MORN1: variants seen among roughly 807,000 people sequenced by gnomAD.
The protein encoded by MORN1 is MORN repeat containing 1, also known as MORN repeat-containing protein 1.
MORN1 carries 67 observed loss-of-function variants against 61.9 expected under a neutral mutation model. The ratio of observed to expected loss-of-function variants is 1.08; its 90% CI spans 0.89 to 1.33. The LOEUF (loss-of-function observed/expected upper bound fraction) is 1.33. MORN1 is among the 40% of genes most tolerant of loss of function. The pLI is 0.00. For synonymous variants in MORN1, 301 were observed against 292.0 expected (o/e 1.03, Z -0.31); for missense variants, 752 against 691.2 (o/e 1.09, Z -0.99).
rs909576314 is a variant in MORN1, at chr1:2,323,318, C to T, written c.1297+779G>A. On this transcript the variant is annotated intron_variant, in intron 13 of 13. Transcript: ENST00000378531. ...TCCCGCTGCGCCAGAGGCAGCTCCACGGTGGCATCCAGACCCCAGTGAGCA... is the reference window on the plus strand; with the variant it reads ...TCCCGCTGCGCCAGAGGCAGCTCCATGGTGGCATCCAGACCCCAGTGAGCA... 34 of 985,326 alleles carry T rather than the reference C, an allele frequency of 3.5e-5. No individual in the cohort carries two copies. The African/African-American group carries it at 4.0e-4, about 12-fold the overall frequency. The allele number at this position is 985,326 out of a possible 1,614,324, so 61.0% of individuals were successfully genotyped here. A position where few individuals can be genotyped will look rare whatever the true frequency, so the allele number is the denominator to read the frequency against.
At chr1:2,373,793 G>A (rs997877288) in intron 7 of MORN1, among the ~76,000 whole-genome samples, 2 of 152,204 alleles carry the variant, frequency 1.3e-5, no homozygotes, top group Non-Finnish European at 2.9e-5. Flanking sequence ...GAGGGCAGCA[G>A]TTACTGTCAC....
At chr1:2,326,746 T>C (rs552643959) in intron 12 of MORN1, 1 of 152,550 alleles carries the variant, frequency 6.6e-6, no homozygotes, top group Admixed American at 6.5e-5. Context: ...CTGCCAGTTC[T>C]GCCTGAGGCA....
chr1:2,322,161 T>A, intron 13 of MORN1: 1 of 985,364 alleles, frequency 1.0e-6, no homozygotes, highest in Non-Finnish European at 1.2e-6. Context: ...AAAGTACTTT[T>A]CCTTTCACAG....
intron 8 of MORN1, among the ~76,000 whole-genome samples, chr1:2,368,357 G>A (rs1414922915): frequency 3.9e-5 from 6 of 152,226 alleles, no homozygotes; most frequent in Non-Finnish European, 5.9e-5. Context: ...GGGCAGTGTC[G>A]CAGTCATATT....
intron 8 of MORN1, among the ~76,000 whole-genome samples, chr1:2,368,386 C>T (rs764177486): frequency 6.6e-5 from 10 of 152,220 alleles, no homozygotes; most frequent in Non-Finnish European, 1.3e-4. Context: ...CTTTTAACTG[C>T]GTGCAGATCA....
intron 10 of MORN1, among the ~76,000 whole-genome samples, chr1:2,342,136 C>T (rs537164434): frequency 5.2e-5 from 8 of 152,390 alleles, no homozygotes; most frequent in East Asian, 1.9e-4. Flanking sequence ...CGTACGACCT[C>T]GGGGGCCTCG....
intron 8 of MORN1, among the ~76,000 whole-genome samples, chr1:2,369,878 G>T (rs1352120718): frequency 6.6e-6 from 1 of 152,162 alleles, no homozygotes; most frequent in Non-Finnish European, 1.5e-5. Flanking sequence ...TGAGATGGAG[G>T]CCTCAGTGTT....
chr1:2,356,444 C>A (rs1456659674), intron 10 of MORN1, among the ~76,000 whole-genome samples: 1 of 152,152 alleles, frequency 6.6e-6, no homozygotes, highest in East Asian at 1.9e-4. Flanking sequence ...GCTCCTCAAC[C>A]CAGGAACCTG....
chr1:2,388,266 C>A lies in MORN1; in HGVS notation c.220G>T (p.Glu74Ter). ...GACCAGGCCCAGTGCCGGCGGCCTT[C>A]TCCCGTGATCTCTCCGTCCACAAAC... ...GAFVDGEITG[E>*]GRRHWAWSGD... Residue 74 changes from glutamate (E) to a stop codon, truncating the protein, a stop_gained, in exon 3 of 14, where the codon GAA becomes TAA. Transcript: ENST00000378531. LOFTEE classifies it high-confidence loss of function. The A allele has an allele frequency of 6.2e-7, 1 of 1,613,934 alleles. No homozygotes were observed. Among genetic ancestry groups the A allele is most frequent in the Non-Finnish European group, 8.5e-7 (1 of 1,179,994 alleles).
rs1641128405 is a variant in MORN1 at position 2,330,650 on chromosome 1, A to G, written c.1250+5819T>C. Among the ~76,000 whole-genome samples the G allele has an allele frequency of 2.6e-5, 4 of 152,132 alleles. No individual in the cohort carries two copies. In the South Asian group the frequency reaches 8.3e-4, roughly 32 times the overall value. ...AATCGCAGAAGTCTTAATTAAGCCCATTTTTCTCGGAGCCGAGGAGGGAGG... is the reference window on the plus strand; with the variant it reads ...AATCGCAGAAGTCTTAATTAAGCCCGTTTTTCTCGGAGCCGAGGAGGGAGG... On this transcript the variant is annotated intron_variant, in intron 12 of 13. Coordinates refer to ENST00000378531, the MANE Select transcript of MORN1 (RefSeq NM_024848.3).
At chr1:2,363,811 A>AAAAAATAT (rs1199100386) in intron 8 of MORN1, among the ~76,000 whole-genome samples, 7 of 135,100 alleles carry the variant, frequency 5.2e-5, no homozygotes, top group African/African-American at 1.8e-4. Flanking sequence ...CAAACAAAAA[A>AAAAAATAT]ATATATATAT....
intron 3 of MORN1, 73 bp downstream of exon 3, chr1:2,388,166 T>C: frequency 8.3e-7 from 1 of 1,205,548 alleles, no homozygotes; most frequent in Non-Finnish European, 1.2e-6. Context: ...CTTCTGCATC[T>C]AGACTCGGCG....
chr1:2,348,752 C>T (rs1335334655), intron 10 of MORN1, among the ~76,000 whole-genome samples: 1 of 112,554 alleles, frequency 8.9e-6, no homozygotes, highest in Non-Finnish European at 1.8e-5. Flanking sequence ...CGGGCACGCA[C>T]ACACACGCAC....
In MORN1 at chr1:2,388,347, G is replaced by C. The variant is rs1642555602; in HGVS notation, c.149-10C>G. The C allele has an allele frequency of 1.2e-6, 2 of 1,609,886 alleles. No individual in the cohort carries two copies. Among genetic ancestry groups the C allele is most frequent in the Non-Finnish European group, 1.7e-6 (2 of 1,176,416 alleles). On this transcript the variant is annotated splice_polypyrimidine_tract_variant and intron_variant, in intron 2 of 13. Coordinates refer to ENST00000378531, the MANE Select transcript of MORN1 (RefSeq NM_024848.3). ...AACAACTTCCCGTGACCTGGCAGGAGAAATCGTCACGTGAACTCAGACAGT... is the reference window on the plus strand; with the variant it reads ...AACAACTTCCCGTGACCTGGCAGGACAAATCGTCACGTGAACTCAGACAGT...
At chr1:2,330,121 G>A (rs769472618) in intron 12 of MORN1, among the ~76,000 whole-genome samples, 18 of 152,230 alleles carry the variant, frequency 1.2e-4, no homozygotes, top group Non-Finnish European at 2.6e-4. Context: ...GCAAGCCAGC[G>A]GCACAGGCCT....
At chr1:2,333,971 G>T (rs934201819) in intron 12 of MORN1, among the ~76,000 whole-genome samples, 1 of 152,188 alleles carries the variant, frequency 6.6e-6, no homozygotes, top group Admixed American at 6.5e-5. Context: ...CTGGACGCTG[G>T]TTGGGGGAGC....
intron 10 of MORN1, among the ~76,000 whole-genome samples, chr1:2,346,061 A>G (rs1641510332): frequency 6.7e-6 from 1 of 148,226 alleles, no homozygotes; most frequent in South Asian, 2.2e-4. Flanking sequence ...TTCCTCAGAC[A>G]AAGCCACCAG....
chr1:2,351,695 A>G, intron 10 of MORN1: 1 of 448,016 alleles, frequency 2.2e-6, no homozygotes, highest in Non-Finnish European at 4.4e-6. Flanking sequence ...GTTGCTTCGC[A>G]TTCTTTAGTT....
chr1:2,355,553 G>C, intron 10 of MORN1: 1 of 1,427,932 alleles, frequency 7.0e-7, no homozygotes, highest in Non-Finnish European at 9.6e-7. Flanking sequence ...CACGGGCATG[G>C]AGGTGGCCCT....
Sources: gnomAD v4.1 joint callset for allele counts (sites outside exome capture counted in the v4.1 genomes callset) on GRCh38, gnomAD v4.1.1 for gene constraint, MANE v1.5 for transcripts, NCBI Gene and HGNC (gene_info 2026-07-23, HGNC 2026-07-21) for gene names.